The following RALYL variants were observed in gnomAD, a reference collection of about 807,000 sequenced individuals.
RALYL encodes the protein RNA-binding Raly-like protein.
RALYL carries 29 observed loss-of-function variants against 35.1 expected under a neutral mutation model. The ratio of observed to expected loss-of-function variants is 0.83; its 90% CI spans 0.61 to 1.13. The LOEUF (loss-of-function observed/expected upper bound fraction) is 1.13. Ranked by LOEUF, RALYL falls within the 50% of genes most tolerant of loss-of-function variation. The probability of loss-of-function intolerance (pLI) is 0.00; values close to 1 mark genes in which losing one functional copy is unlikely to be tolerated. For synonymous variants in RALYL, 120 were observed against 127.6 expected, an observed-to-expected ratio of 0.94 and a Z score of 0.40; for missense variants, 359 against 360.4, an observed-to-expected ratio of 1.00 and a Z score of 0.03.
intron 1 of RALYL, among the ~76,000 whole-genome samples, chr8:84,328,198 A>G (rs1206315935): frequency 6.6e-6 from 1 of 152,198 alleles, no homozygotes; most frequent in Non-Finnish European, 1.5e-5. Flanking sequence ...CATGACAACT[A>G]CTGAACAACT....
intron 2 of RALYL, among the ~76,000 whole-genome samples, chr8:84,599,368 A>G (rs560046470): frequency 6.6e-6 from 1 of 152,118 alleles, no homozygotes; most frequent in African/African-American, 2.4e-5. Context: ...GTACTTCTTA[A>G]GTATATATAT....
intron 1 of RALYL, among the ~76,000 whole-genome samples, chr8:84,490,217 A>G (rs752789432): frequency 1.3e-5 from 2 of 151,708 alleles, no homozygotes; most frequent in Non-Finnish European, 2.9e-5. Context: ...TGAGCCTTTC[A>G]TCTCACCCTG....
rs369630528 is a variant in RALYL at position 84,469,396 on chromosome 8, C to G, written c.-23-59903C>G. 1.4e-4 allele frequency among the ~76,000 whole-genome samples: 22 copies of G among 152,092 alleles called. 2 individuals carry two copies. The South Asian group carries it at 4.2e-3, about 29-fold the overall frequency. ...CTCAGCTGCAGGTCTGTTGGAGTACCCTGCCGTGTGAGGTGTCAGTGTGCC... is the reference window on the plus strand; with the variant it reads ...CTCAGCTGCAGGTCTGTTGGAGTACGCTGCCGTGTGAGGTGTCAGTGTGCC... On this transcript the variant is annotated intron_variant, in intron 1 of 8. Transcript: ENST00000521268.
At chr8:84,528,651 C>G (rs1035400501) in intron 1 of RALYL, among the ~76,000 whole-genome samples, 1 of 152,058 alleles carries the variant, frequency 6.6e-6, no homozygotes, top group Non-Finnish European at 1.5e-5. Context: ...TTTTATGAAG[C>G]TGACATGTAC....
intron 1 of RALYL, among the ~76,000 whole-genome samples, chr8:84,429,497 T>C (rs1293290854): frequency 6.6e-6 from 1 of 151,940 alleles, no homozygotes; most frequent in African/African-American, 2.4e-5. Context: ...TCCAGAAAAA[T>C]AAAATTTTCC....
At chr8:84,912,660 A>T (rs2135705676) in intron 8 of RALYL, among the ~76,000 whole-genome samples, 1 of 152,148 alleles carries the variant, frequency 6.6e-6, no homozygotes, top group East Asian at 1.9e-4. Flanking sequence ...AATAGTTCCC[A>T]GTGCCCAAAG....
chr8:84,587,757 A>C (rs2136072853), intron 2 of RALYL, among the ~76,000 whole-genome samples: 1 of 152,340 alleles, frequency 6.6e-6, no homozygotes, highest in Non-Finnish European at 1.5e-5. Flanking sequence ...CATGTGTCTC[A>C]GTTTATTGCT....
At chr8:84,585,771 CA>C (rs752747650) in intron 2 of RALYL, among the ~76,000 whole-genome samples, 2 of 151,904 alleles carry the variant, frequency 1.3e-5, no homozygotes, top group African/African-American at 4.8e-5. Context: ...AAAGGAGAAA[CA>C]AAAAATGGCC....
chr8:84,535,773 G>A (rs1296656581), intron 2 of RALYL, among the ~76,000 whole-genome samples: 1 of 151,574 alleles, frequency 6.6e-6, no homozygotes, highest in East Asian at 1.9e-4. Flanking sequence ...GCGCCCGGCC[G>A]CATCCCTGAC....
chr8:84,294,140 G>A (rs779883823), intron 1 of RALYL, among the ~76,000 whole-genome samples: 5 of 151,672 alleles, frequency 3.3e-5, no homozygotes, highest in Non-Finnish European at 5.9e-5. Context: ...ATTTATTTTG[G>A]TGCCTGGTTA....
At chr8:84,569,494 T>C (rs1029132251) in intron 2 of RALYL, among the ~76,000 whole-genome samples, 10 of 151,920 alleles carry the variant, frequency 6.6e-5, no homozygotes, top group Non-Finnish European at 2.9e-5. Context: ...TAGTCCTTTG[T>C]TGGAGGCATA....
intron 2 of RALYL, among the ~76,000 whole-genome samples, chr8:84,748,974 C>T (rs1449702935): frequency 6.6e-6 from 1 of 152,106 alleles, no homozygotes; most frequent in Non-Finnish European, 1.5e-5. Context: ...TTAACTTGAT[C>T]ATATTTGTTT....
chr8:84,257,609 A>G (rs1370706796), intron 1 of RALYL, among the ~76,000 whole-genome samples: 2 of 152,112 alleles, frequency 1.3e-5, no homozygotes, highest in East Asian at 3.9e-4. Flanking sequence ...TTCTAAAACC[A>G]GGTCAGAAAT....
intron 4 of RALYL, among the ~76,000 whole-genome samples, chr8:84,813,080 G>T (rs931199925): frequency 2.0e-5 from 3 of 152,110 alleles, no homozygotes; most frequent in Non-Finnish European, 2.9e-5. Context: ...GCGAGCTCCC[G>T]GGGCTTTTCC....
intron 5 of RALYL, among the ~76,000 whole-genome samples, chr8:84,860,551 T>C (rs1731108392): frequency 6.6e-6 from 1 of 152,240 alleles, no homozygotes; most frequent in African/African-American, 2.4e-5. Flanking sequence ...CAGGTCTAGC[T>C]GACCCTTTTG....
chr8:84,492,609 A>C (rs1484746953), intron 1 of RALYL, among the ~76,000 whole-genome samples: 2 of 152,078 alleles, frequency 1.3e-5, no homozygotes, highest in African/African-American at 2.4e-5. Context: ...TAATCTGTTA[A>C]AATCCCTTCT....
At chr8:84,471,631 A>C in intron 1 of RALYL, among the ~76,000 whole-genome samples, 1 of 152,288 alleles carries the variant, frequency 6.6e-6, no homozygotes, top group Middle Eastern at 3.4e-3. Context: ...GAATTGTATA[A>C]CAGTCAACAT....
chr8:84,751,323 T>G (rs1809947243), intron 2 of RALYL, among the ~76,000 whole-genome samples: 2 of 152,126 alleles, frequency 1.3e-5, no homozygotes, highest in Non-Finnish European at 2.9e-5. Flanking sequence ...TTCTCCTGCC[T>G]CAGCCTCCCA....
chr8:84,482,568 A>G (rs1483134005), intron 1 of RALYL, among the ~76,000 whole-genome samples: 1 of 152,090 alleles, frequency 6.6e-6, no homozygotes, highest in Non-Finnish European at 1.5e-5. Flanking sequence ...CACTTAAGCC[A>G]CTCAAAATGG....
Sources: gnomAD v4.1 joint callset for allele counts (sites outside exome capture counted in the v4.1 genomes callset) on GRCh38, gnomAD v4.1.1 for gene constraint, MANE v1.5 for transcripts, NCBI Gene and HGNC (gene_info 2026-07-23, HGNC 2026-07-21) for gene names.